CGB7: variants seen among roughly 807,000 people sequenced by gnomAD.
CGB7 encodes chorionic gonadotropin subunit beta 7, also known as choriogonadotropin subunit beta 7.
A neutral mutation model predicts 7.3 loss-of-function variants in CGB7; 6 were observed. The ratio of observed to expected loss-of-function variants is 0.82; its 90% CI spans 0.45 to 1.62. The LOEUF (loss-of-function observed/expected upper bound fraction) is 1.62, where lower values mean the gene tolerates loss of function less well. Ranked by LOEUF, CGB7 falls within the 40% of genes most tolerant of loss-of-function variation. The pLI is 0.01. For missense variants in CGB7, 114 were observed against 236.2 expected (o/e 0.48, Z 3.39); for synonymous variants, 47 against 100.8 (o/e 0.47, Z 3.20).
Position 49,055,003 on chromosome 19 carries a change from C to T in CGB7, c.21G>A (p.Leu7=), listed in dbSNP as rs1281145189. 6.2e-7 allele frequency: 1 copy of T among 1,602,178 alleles called. No homozygotes were observed. Among genetic ancestry groups the T allele is most frequent in the Admixed American group, 1.7e-5 (1 of 59,930 alleles). Reference sequence around the variant, plus strand: ...CCATGCTCAGCAGCAGCAACAGCAGCAGCCCCTGGGACAAGGACACTGCTT... The same window carrying T: ...CCATGCTCAGCAGCAGCAACAGCAGTAGCCCCTGGGACAAGGACACTGCTT... MEMFQG[L]LLLLLLSMGG... is the part of the protein sequence containing the mutation. Residue 7 remains leucine, a synonymous_variant, in exon 4 of 5, where the codon CTG becomes CTA. Transcript: ENST00000684222.
rs1162998659 is a variant in CGB7, at chr19:49,057,508, G to T, written c.-1395C>A. 194 of 1,223,412 alleles carry T rather than the reference G, an allele frequency of 1.6e-4. No homozygotes were observed. The highest frequency in any genetic ancestry group is 1.9e-4 in the Non-Finnish European group (185 of 973,656). 75.8% of individuals were successfully genotyped at this position (1,223,412 alleles called of 1,614,324 possible). A position where few individuals can be genotyped will look rare whatever the true frequency, so the allele number is the denominator to read the frequency against. ...TGCTGGTCAAGGAACTCAAATGCAG[G>T]CCCCCAGCCACCACAAAATCCCCCT... On this transcript the variant is annotated 5_prime_UTR_variant, in exon 1 of 5. Coordinates refer to ENST00000684222, the MANE Select transcript of CGB7 (RefSeq NM_001385261.1).
At chr19:49,057,278 C>G (rs1298367708) in intron 1 of CGB7, 30 bp from the exon 2 acceptor site, 2 of 1,521,916 alleles carry the variant, frequency 1.3e-6, no homozygotes, top group African/African-American at 2.8e-5. Context: ...GAGGCATACC[C>G]AAGACATAGA....
At position 49,055,723 on chromosome 19, in the gene CGB7, C is replaced by T. The variant is rs2040051789; in HGVS notation, c.-348G>A. On this transcript the variant is annotated 5_prime_UTR_variant, in exon 3 of 5. Coordinates refer to ENST00000684222, the MANE Select transcript of CGB7 (RefSeq NM_001385261.1). ...CTTGGGAACCAGGAGGAGGCCGTGA[C>T]CCGAGAAAGGTGCTGGACTGAAGCC... 7.9e-7 allele frequency: 1 copy of T among 1,266,076 alleles called. No homozygotes were observed. Among genetic ancestry groups the T allele is most frequent in the South Asian group, 1.8e-5 (1 of 54,230 alleles). 78.4% of individuals were successfully genotyped at this position (1,266,076 alleles called of 1,614,324 possible).
At chr19:49,055,076 C>T in intron 3 of CGB7, 68 bp from the exon 4 acceptor site, 1 of 1,600,142 alleles carries the variant, frequency 6.2e-7, no homozygotes, top group Non-Finnish European at 8.5e-7. Flanking sequence ...TCCCATCCCC[C>T]AGGGTACACC....
chr19:49,056,403 G>C lies in CGB7; in HGVS notation c.-1028C>G, dbSNP rs764103608. On this transcript the variant is annotated 5_prime_UTR_variant, in exon 3 of 5. Coordinates refer to ENST00000684222, the MANE Select transcript of CGB7 (RefSeq NM_001385261.1). ...GCCTCCAGCGGGCGGAAGCGGTCGAGCCGGCGGAGCGGGTGCGGCGAGGAG... is the reference window on the plus strand; with the variant it reads ...GCCTCCAGCGGGCGGAAGCGGTCGACCCGGCGGAGCGGGTGCGGCGAGGAG... The C allele has an allele frequency of 7.7e-7, 1 of 1,296,258 alleles. No individual in the cohort carries two copies. The highest frequency in any genetic ancestry group is 1.2e-5 in the South Asian group (1 of 81,906). The allele number at this position is 1,296,258 out of a possible 1,614,324, so 80.3% of individuals were successfully genotyped here. A position where few individuals can be genotyped will look rare whatever the true frequency, so the allele number is the denominator to read the frequency against.
rs1278128145 is a variant in CGB7 at position 49,055,718 on chromosome 19, C to G, written c.-343G>C. 4.7e-6 allele frequency: 6 copies of G among 1,269,498 alleles called. No individual in the cohort carries two copies. Among genetic ancestry groups the G allele is most frequent in the Middle Eastern group, 3.1e-4 (1 of 3,192 alleles). 78.6% of individuals were successfully genotyped at this position (1,269,498 alleles called of 1,614,324 possible). On this transcript the variant is annotated 5_prime_UTR_variant, in exon 3 of 5. Coordinates refer to ENST00000684222, the MANE Select transcript of CGB7 (RefSeq NM_001385261.1). Reference sequence around the variant, plus strand: ...GGGGTCTTGGGAACCAGGAGGAGGCCGTGACCCGAGAAAGGTGCTGGACTG... The same window carrying G: ...GGGGTCTTGGGAACCAGGAGGAGGCGGTGACCCGAGAAAGGTGCTGGACTG...
chr19:49,055,615 A>C lies in CGB7; in HGVS notation c.-240T>G, dbSNP rs2040050006. The C allele has an allele frequency of 2.8e-6, 4 of 1,441,012 alleles. No individual in the cohort carries two copies. Among genetic ancestry groups the C allele is most frequent in the Non-Finnish European group, 3.6e-6 (4 of 1,098,374 alleles). 89.3% of individuals were successfully genotyped at this position (1,441,012 alleles called of 1,614,324 possible). A position where few individuals can be genotyped will look rare whatever the true frequency, so the allele number is the denominator to read the frequency against. The stretch of plus-strand genomic sequence containing the variant: ...CACGGTGAAGTGACCTCTGAGACTC[A>C]GTCGTCGAGTGCTAGGGACTAGTCG... On this transcript the variant is annotated 5_prime_UTR_variant, in exon 3 of 5. Transcript: ENST00000684222.
rs1600242015 is a variant in CGB7 at position 49,056,268 on chromosome 19, C to T, written c.-893G>A. On this transcript the variant is annotated 5_prime_UTR_variant, in exon 3 of 5. Transcript: ENST00000684222. ...TCTGGGGTGGGGCTGGCCCGGCAGG[C>T]TCCCACTAGCCCCGGCTTACAGCGG... 2.2e-5 allele frequency: 29 copies of T among 1,290,652 alleles called. No individual in the cohort carries two copies. Among genetic ancestry groups the T allele is most frequent in the Non-Finnish European group, 2.9e-5 (29 of 989,518 alleles). 79.9% of individuals were successfully genotyped at this position (1,290,652 alleles called of 1,614,324 possible). A position where few individuals can be genotyped will look rare whatever the true frequency, so the allele number is the denominator to read the frequency against.
In CGB7 at chr19:49,056,273, A is replaced by C. The variant is rs1373964504; in HGVS notation, c.-898T>G. 6 of 1,290,252 alleles carry C rather than the reference A, an allele frequency of 4.7e-6. No individual in the cohort carries two copies. In the East Asian group the frequency reaches 2.8e-4, roughly 59 times the overall value. The allele number at this position is 1,290,252 out of a possible 1,614,324, so 79.9% of individuals were successfully genotyped here. On this transcript the variant is annotated 5_prime_UTR_variant, in exon 3 of 5. Transcript: ENST00000684222. Reference sequence around the variant, plus strand: ...GGTGGGGCTGGCCCGGCAGGCTCCCACTAGCCCCGGCTTACAGCGGCCTGA... The same window carrying C: ...GGTGGGGCTGGCCCGGCAGGCTCCCCCTAGCCCCGGCTTACAGCGGCCTGA...
intron 2 of CGB7, 144 bp downstream of exon 2, chr19:49,056,977 G>C: frequency 1.2e-6 from 1 of 858,998 alleles, no homozygotes; most frequent in Admixed American, 2.4e-5. Flanking sequence ...GGGAGGGGCT[G>C]GGGTCTGAAC....
Position 49,054,289 on chromosome 19 carries a change from C to A in CGB7, c.*2G>T. ...ACCGCCAGAGTGCGGATTGAGAAGC[C>A]TTTATTGTGGGAGGATCGGGGTGTC... is the stretch of plus-strand genomic sequence containing the variant. On this transcript the variant is annotated 3_prime_UTR_variant, in exon 5 of 5. Transcript: ENST00000684222. The A allele has an allele frequency of 1.2e-6, 2 of 1,605,806 alleles. No individual in the cohort carries two copies.
rs2040050495 is a variant in CGB7, at chr19:49,055,636, A to G, written c.-261T>C. On this transcript the variant is annotated 5_prime_UTR_variant, in exon 3 of 5. Coordinates refer to ENST00000684222, the MANE Select transcript of CGB7 (RefSeq NM_001385261.1). ...ACTCAGTCGTCGAGTGCTAGGGACTAGTCGAGGCTGGAGGCACAGAGAGTA... is the reference window on the plus strand; with the variant it reads ...ACTCAGTCGTCGAGTGCTAGGGACTGGTCGAGGCTGGAGGCACAGAGAGTA... 8 of 1,411,618 alleles carry G rather than the reference A, an allele frequency of 5.7e-6. No homozygotes were observed. In the South Asian group the frequency reaches 1.1e-4, roughly 19 times the overall value. The allele number at this position is 1,411,618 out of a possible 1,614,324, so 87.4% of individuals were successfully genotyped here. A position where few individuals can be genotyped will look rare whatever the true frequency, so the allele number is the denominator to read the frequency against.
rs147898421 is a variant in CGB7, at chr19:49,055,057, C to T, written c.16-49G>A. On this transcript the variant is annotated intron_variant, in intron 3 of 4. Transcript: ENST00000684222. Reference sequence around the variant, plus strand: ...CCGGGCCTGAGACCACAGCCCTGAGCCCTGGCCTTCCCATCCCCCAGGGTA... The same window carrying T: ...CCGGGCCTGAGACCACAGCCCTGAGTCCTGGCCTTCCCATCCCCCAGGGTA... 1.0e-4 allele frequency: 162 copies of T among 1,600,714 alleles called. No individual in the cohort carries two copies. The African/African-American group carries it at 1.2e-3, about 12-fold the overall frequency.
At position 49,057,676 on chromosome 19, in the gene CGB7, C is replaced by G. The variant is rs772248822; in HGVS notation, c.-1563G>C. 5.6e-6 allele frequency: 7 copies of G among 1,240,994 alleles called. No homozygotes were observed. Among genetic ancestry groups the G allele is most frequent in the African/African-American group, 3.1e-5 (2 of 64,068 alleles). 76.9% of individuals were successfully genotyped at this position (1,240,994 alleles called of 1,614,324 possible). On this transcript the variant is annotated 5_prime_UTR_variant, in exon 1 of 5. Transcript: ENST00000684222. ...AGTCTCCTCCCCACCCACAGCCCGC[C>G]GTCTAGCTCCGCAGCAGCTTAGGAG...
At position 49,055,064 on chromosome 19, in the gene CGB7, C is replaced by T. The variant is rs555316925; in HGVS notation, c.16-56G>A. On this transcript the variant is annotated intron_variant, in intron 3 of 4. Transcript: ENST00000684222. ...TGAGACCACAGCCCTGAGCCCTGGCCTTCCCATCCCCCAGGGTACACCACC... is the reference window on the plus strand; with the variant it reads ...TGAGACCACAGCCCTGAGCCCTGGCTTTCCCATCCCCCAGGGTACACCACC... The T allele has an allele frequency of 7.0e-5, 112 of 1,600,834 alleles. No homozygotes were observed. The East Asian group carries it at 2.0e-3, about 29-fold the overall frequency.
Position 49,056,435 on chromosome 19 carries a change from G to T in CGB7, c.-1060C>A, listed in dbSNP as rs1346723933. On this transcript the variant is annotated 5_prime_UTR_variant, in exon 3 of 5. Transcript: ENST00000684222. ...GAGCGGGTGCGGCGAGGAGCTGTAGGTTTCCTGAGCCGGAGACATGGCCCG... is the reference window on the plus strand; with the variant it reads ...GAGCGGGTGCGGCGAGGAGCTGTAGTTTTCCTGAGCCGGAGACATGGCCCG... The T allele has an allele frequency of 7.7e-6, 10 of 1,298,176 alleles. No individual in the cohort carries two copies. Among genetic ancestry groups the T allele is most frequent in the Non-Finnish European group, 1.0e-5 (10 of 994,360 alleles). 80.4% of individuals were successfully genotyped at this position (1,298,176 alleles called of 1,614,324 possible).
In CGB7 at chr19:49,054,356, G is replaced by C. The variant is rs141827342; in HGVS notation, c.433C>G (p.Pro145Ala). The C allele has an allele frequency of 4.3e-6, 7 of 1,610,404 alleles. No individual in the cohort carries two copies. In the African/African-American group the frequency reaches 9.4e-5, roughly 22 times the overall value. The part of the protein sequence containing the change: ...FQASSSSKAP[P>A]PSLPSPSRLP... ...CGGGATGGACTTGGAAGGCTGGGGGGAGGGGCCTTTGAGGAAGAGGAGGCC... is the reference window on the plus strand; with the variant it reads ...CGGGATGGACTTGGAAGGCTGGGGGCAGGGGCCTTTGAGGAAGAGGAGGCC... Residue 145 changes from proline to alanine, a missense_variant, in exon 5 of 5, where the codon CCC (proline) becomes GCC (alanine). Around this residue, in one of 3 missense-constraint regions of CGB7, gnomAD observed 36 missense variants for 126.1 expected, o/e 0.29. Transcript: ENST00000684222.
Position 49,056,099 on chromosome 19 carries a change from C to A in CGB7, c.-724G>T. ...CTGGACTTAGTCCCTTCCCCGCGATCCAGCCGCAGCTGAGTGGGCGTGTCT... is the reference window on the plus strand; with the variant it reads ...CTGGACTTAGTCCCTTCCCCGCGATACAGCCGCAGCTGAGTGGGCGTGTCT... On this transcript the variant is annotated 5_prime_UTR_variant, in exon 3 of 5. Transcript: ENST00000684222. 1 of 1,181,180 alleles carries A rather than the reference C, an allele frequency of 8.5e-7. No homozygotes were observed. Among genetic ancestry groups the A allele is most frequent in the Non-Finnish European group, 1.1e-6 (1 of 935,574 alleles). 73.2% of individuals were successfully genotyped at this position (1,181,180 alleles called of 1,614,324 possible).
rs1177288093 is a variant in CGB7, at chr19:49,057,134, G to T, written c.-1234C>A. On this transcript the variant is annotated 5_prime_UTR_variant, in exon 2 of 5. Transcript: ENST00000684222. ...AGCCCGGCTTACTTGGGATAGAACC[G>T]AAAGTCCCGCGCCGAGGTGGTCAGA... 6 of 1,534,032 alleles carry T rather than the reference G, an allele frequency of 3.9e-6. No individual in the cohort carries two copies. The highest frequency in any genetic ancestry group is 5.2e-6 in the Non-Finnish European group (6 of 1,146,348).
Sources: gnomAD v4.1 joint callset for allele counts on GRCh38, gnomAD v4.1.1 for gene constraint, gnomAD v4.1.1 regional missense constraint, MANE v1.5 for transcripts, NCBI Gene and HGNC (gene_info 2026-07-23, HGNC 2026-07-21) for gene names.